Variants in TSEN2 observed in about 807,000 individuals in gnomAD.
TSEN2 encodes the protein tRNA splicing endonuclease subunit 2, also known as tRNA-splicing endonuclease subunit Sen2.
A neutral mutation model predicts 59.2 loss-of-function variants in TSEN2; 54 were observed. The ratio of observed to expected loss-of-function variants is 0.91; its 90% CI spans 0.73 to 1.14. The LOEUF (loss-of-function observed/expected upper bound fraction) is 1.14. Ranked by LOEUF, TSEN2 falls within the 50% of genes most tolerant of loss-of-function variation. The probability of loss-of-function intolerance (pLI) is 0.00; values close to 1 mark genes in which losing one functional copy is unlikely to be tolerated. For missense variants in TSEN2, 636 were observed against 576.2 expected, an observed-to-expected ratio of 1.10 and a Z score of -1.06; for synonymous variants, 195 against 198.2, an observed-to-expected ratio of 0.98 and a Z score of 0.14.
intron 3 of TSEN2, among the ~76,000 whole-genome samples, 175 bp downstream of exon 3, chr3:12,492,392 G>A (rs1283761985): frequency 6.6e-6 from 1 of 152,212 alleles, no homozygotes; most frequent in African/African-American, 2.4e-5. Flanking sequence ...ATGATTGGGT[G>A]ACAGTGTGTT....
At chr3:12,512,727 T>C (rs1198139894) in intron 6 of TSEN2, among the ~76,000 whole-genome samples, 1 of 152,254 alleles carries the variant, frequency 6.6e-6, no homozygotes, top group East Asian at 1.9e-4. Flanking sequence ...TTTTAGCCAG[T>C]GACATTTTAA....
rs1427557465 is a variant in TSEN2, at chr3:12,516,442, ATATATGTG to A, written c.910-167_910-160del. 9.7e-3 allele frequency among the ~76,000 whole-genome samples: 862 copies of A among 89,124 alleles called. 8 individuals are homozygous for A. The highest frequency in any genetic ancestry group is 0.018 in the African/African-American group (452 of 24,500). The allele number at this position is 89,124 out of a possible 152,430, so 58.5% of individuals were successfully genotyped here. ...TCCGTTTCAAAAACAAACAAACAAA[ATATATGTG>A]TGTGTGTGTGTGTGTGTGTGTGTGT... is the stretch of plus-strand genomic sequence containing the variant. On this transcript the variant is annotated intron_variant, in intron 6 of 11. Coordinates refer to ENST00000284995, the MANE Select transcript of TSEN2 (RefSeq NM_025265.4).
intron 6 of TSEN2, among the ~76,000 whole-genome samples, chr3:12,509,180 GGGTTTTTTTT>G (rs2055155006): frequency 6.8e-6 from 1 of 147,780 alleles, no homozygotes; most frequent in Admixed American, 6.9e-5. Flanking sequence ...TCAACTTTGG[GGGTTTTTTTT>G]GGTTTTTTTT....
chr3:12,528,776 A>T, intron 8 of TSEN2, 112 bp from the exon 9 acceptor site: 1 of 1,098,574 alleles, frequency 9.1e-7, no homozygotes. Context: ...ATTATTGAGT[A>T]TTTGCTTCCT....
At chr3:12,492,102 C>G in intron 2 of TSEN2, 34 bp from the exon 3 acceptor site, 5 of 1,576,796 alleles carry the variant, frequency 3.2e-6, no homozygotes, top group Non-Finnish European at 4.4e-6. Flanking sequence ...GGTAACTAAG[C>G]ATGAACTAAC....
At chr3:12,481,897 A>ATGTG (rs151178256), upstream of TSEN2, among the ~76,000 whole-genome samples, 11,863 of 149,982 alleles carry the variant, frequency 0.079, 499 homozygotes, top group Admixed American at 0.094. Flanking sequence ...CAGTTGATAT[A>ATGTG]TGTGTGTGTG....
intron 4 of TSEN2, among the ~76,000 whole-genome samples, chr3:12,501,867 A>G (rs1226406878): frequency 6.6e-6 from 1 of 152,216 alleles, no homozygotes; most frequent in Non-Finnish European, 1.5e-5. Context: ...TCAGATTTCC[A>G]ACATCTGGTA....
At chr3:12,487,252 A>G (rs1462805630) in intron 1 of TSEN2, among the ~76,000 whole-genome samples, 1 of 152,252 alleles carries the variant, frequency 6.6e-6, no homozygotes, top group Admixed American at 6.5e-5. Flanking sequence ...GTGCAGCCAC[A>G]TGAGCAAGAG....
rs765654657 is a variant in TSEN2 at position 12,489,950 on chromosome 3, T to C, written c.150T>C (p.Ile50=). 6 of 1,614,194 alleles carry C rather than the reference T, an allele frequency of 3.7e-6. No individual in the cohort carries two copies. The highest frequency in any genetic ancestry group is 4.2e-6 in the Non-Finnish European group (5 of 1,180,048). Residue 50 remains isoleucine (I), a synonymous_variant, in exon 2 of 12, where the codon ATT becomes ATC. Coordinates refer to ENST00000284995, the MANE Select transcript of TSEN2 (RefSeq NM_025265.4). ...CTGAAATGATTAACAACAATGTGAT[T>C]GTGAGGAATGCGGAGGACATTGAGC... ...FRAEMINNNV[I]VRNAEDIEQL...
At chr3:12,496,616 A>G (rs924420750) in intron 4 of TSEN2, 62 bp downstream of exon 4, 25 of 1,565,420 alleles carry the variant, frequency 1.6e-5, no homozygotes, top group Non-Finnish European at 1.9e-5. Flanking sequence ...GTTTTTAGGT[A>G]GTCTTGTCCC....
chr3:12,510,806 C>G (rs1257052922), intron 6 of TSEN2, among the ~76,000 whole-genome samples: 2 of 152,154 alleles, frequency 1.3e-5, no homozygotes, highest in Non-Finnish European at 2.9e-5. Flanking sequence ...CAGTGACTTT[C>G]CTTCTATCTA....
intron 6 of TSEN2, among the ~76,000 whole-genome samples, chr3:12,515,584 C>T (rs955808734): frequency 2.6e-5 from 4 of 152,186 alleles, no homozygotes; most frequent in Admixed American, 1.3e-4. Context: ...AGACCCTAAG[C>T]GCCCTGGACA....
chr3:12,486,673 G>A (rs574620721), intron 1 of TSEN2, among the ~76,000 whole-genome samples: 7 of 151,950 alleles, frequency 4.6e-5, no homozygotes, highest in Non-Finnish European at 8.8e-5. Flanking sequence ...AAACATTTTC[G>A]TCACCCTCCA....
intron 4 of TSEN2, 129 bp from the exon 5 acceptor site, chr3:12,503,133 A>G (rs1193293461): frequency 3.1e-6 from 3 of 973,098 alleles, no homozygotes; most frequent in African/African-American, 1.6e-5. Context: ...ATATTTATCT[A>G]TAATGCACCA....
chr3:12,493,150 A>G (rs1195834255), intron 3 of TSEN2, among the ~76,000 whole-genome samples: 2 of 152,236 alleles, frequency 1.3e-5, no homozygotes, highest in Non-Finnish European at 2.9e-5. Flanking sequence ...TTGTTTGGAC[A>G]TAGTGCCTTT....
chr3:12,494,118 A>T (rs896035647), intron 3 of TSEN2, among the ~76,000 whole-genome samples: 3 of 152,258 alleles, frequency 2.0e-5, no homozygotes, highest in African/African-American at 7.2e-5. Flanking sequence ...TCTTAACAAT[A>T]CGCTGACAAA....
chr3:12,519,759 A>AT (rs1275222299), intron 8 of TSEN2, among the ~76,000 whole-genome samples: 1 of 152,040 alleles, frequency 6.6e-6, no homozygotes, highest in East Asian at 1.9e-4. Flanking sequence ...GGAAAAAAAA[A>AT]GAAAAAGCAT....
intron 6 of TSEN2, among the ~76,000 whole-genome samples, chr3:12,508,256 T>C (rs1383950331): frequency 6.6e-6 from 1 of 152,192 alleles, no homozygotes; most frequent in African/African-American, 2.4e-5. Context: ...TGCCTCCTCT[T>C]GAACACCCCC....
chr3:12,494,914 T>C (rs1225269797), intron 3 of TSEN2, among the ~76,000 whole-genome samples: 1 of 150,276 alleles, frequency 6.7e-6, no homozygotes, highest in Admixed American at 6.6e-5. Flanking sequence ...TCACCTGAGG[T>C]CAGGAGTTCA....
Sources: allele counts gnomAD v4.1 joint callset (sites outside exome capture counted in the v4.1 genomes callset), GRCh38; gene constraint gnomAD v4.1.1; transcripts MANE v1.5; gene names NCBI Gene and HGNC (gene_info 2026-07-23, HGNC 2026-07-21).